SLCO1A2: variants seen among roughly 807,000 people sequenced by gnomAD.
SLCO1A2 encodes solute carrier organic anion transporter family member 1A2.
Under a neutral mutation model 69.0 loss-of-function variants are expected in SLCO1A2, and 67 were observed. The ratio of observed to expected loss-of-function variants is 0.97; its 90% CI spans 0.80 to 1.19. The LOEUF (loss-of-function observed/expected upper bound fraction) is 1.19, where lower values mean the gene tolerates loss of function less well. SLCO1A2 is among the 50% of genes most tolerant of loss of function. The probability of loss-of-function intolerance (pLI) is 0.00; values close to 1 mark genes in which losing one functional copy is unlikely to be tolerated. For missense variants in SLCO1A2, 787 were observed against 793.7 expected (o/e 0.99, Z 0.10); for synonymous variants, 260 against 265.9 (o/e 0.98, Z 0.22).
At chr12:21,331,826 TA>T (rs1352985321) in intron 2 of SLCO1A2, among the ~76,000 whole-genome samples, 1 of 152,034 alleles carries the variant, frequency 6.6e-6, no homozygotes, top group Non-Finnish European at 1.5e-5. Context: ...CAAGTAAAAC[TA>T]AAAAATAGGA....
chr12:21,281,429 G>A (rs56409406), intron 12 of SLCO1A2, among the ~76,000 whole-genome samples: 1,784 of 151,130 alleles, frequency 0.012, 34 homozygotes, highest in African/African-American at 0.041. Flanking sequence ...TAACTTGAGC[G>A]ACAGAGTGAG....
intron 1 of SLCO1A2, among the ~76,000 whole-genome samples, chr12:21,413,683 A>G (rs1941948046): frequency 6.6e-6 from 1 of 152,126 alleles, no homozygotes; most frequent in African/African-American, 2.4e-5. Flanking sequence ...AAATGAAAAC[A>G]TGGTCATCAG....
At chr12:21,330,181 G>T (rs1374492777) in intron 2 of SLCO1A2, among the ~76,000 whole-genome samples, 2 of 151,906 alleles carry the variant, frequency 1.3e-5, no homozygotes, top group Non-Finnish European at 2.9e-5. Flanking sequence ...CAAAAATTCT[G>T]TTTCTTAGTT....
intron 2 of SLCO1A2, among the ~76,000 whole-genome samples, chr12:21,341,504 G>A (rs1346816063): frequency 1.3e-5 from 2 of 151,914 alleles, no homozygotes; most frequent in Non-Finnish European, 2.9e-5. Context: ...ACTACTTCAG[G>A]TTTTGGTATG....
chr12:21,275,501 G>A, intron 12 of SLCO1A2, 77 bp from the exon 13 acceptor site: 2 of 1,277,660 alleles, frequency 1.6e-6, no homozygotes, highest in South Asian at 2.3e-5. Flanking sequence ...AAGGCCAGTT[G>A]TAAGCTAGTC....
upstream of SLCO1A2, among the ~76,000 whole-genome samples, chr12:21,339,846 G>T (rs1400646291): frequency 6.6e-6 from 1 of 151,926 alleles, no homozygotes; most frequent in Non-Finnish European, 1.5e-5. Flanking sequence ...TAGTTTGCAG[G>T]AGTTATTCTC....
At chr12:21,298,561 A>G (rs1053537729) in intron 8 of SLCO1A2, among the ~76,000 whole-genome samples, 84 of 152,216 alleles carry the variant, frequency 5.5e-4, no homozygotes, top group African/African-American at 1.8e-3. Flanking sequence ...GGACACACAG[A>G]TTAATGCAAG....
At chr12:21,394,681 T>C (rs1311948540) in intron 1 of SLCO1A2, among the ~76,000 whole-genome samples, 4 of 151,764 alleles carry the variant, frequency 2.6e-5, no homozygotes, top group African/African-American at 9.7e-5. Context: ...CTCCACAAAA[T>C]CTACTGTGCA....
chr12:21,386,626 A>G (rs751997649), intron 1 of SLCO1A2, among the ~76,000 whole-genome samples: 2 of 152,144 alleles, frequency 1.3e-5, no homozygotes, highest in African/African-American at 2.4e-5. Flanking sequence ...CCCCCCAGCC[A>G]TGTGGAACTG....
upstream of SLCO1A2, among the ~76,000 whole-genome samples, chr12:21,397,127 C>T (rs1355007304): frequency 1.1e-4 from 16 of 152,044 alleles, no homozygotes; most frequent in Non-Finnish European, 1.6e-4. Context: ...TCGGGAGACC[C>T]ATCTCACGTG....
At chr12:21,337,814 A>G (rs549100799), upstream of SLCO1A2, among the ~76,000 whole-genome samples, 3 of 152,050 alleles carry the variant, frequency 2.0e-5, no homozygotes, top group South Asian at 6.2e-4. Context: ...TCTTATAAAT[A>G]TAAGTATTAT....
At chr12:21,335,913 C>T (rs908660850), upstream of SLCO1A2, among the ~76,000 whole-genome samples, 4 of 152,100 alleles carry the variant, frequency 2.6e-5, no homozygotes, top group African/African-American at 4.8e-5. Flanking sequence ...TATAAACTAG[C>T]GAGAGAAGTA....
chr12:21,326,949 G>A (rs1952286391), intron 2 of SLCO1A2, among the ~76,000 whole-genome samples: 1 of 152,150 alleles, frequency 6.6e-6, no homozygotes, highest in Non-Finnish European at 1.5e-5. Context: ...TAAGTAATGA[G>A]AAGCCAAATG....
At chr12:21,338,062 A>G (rs980536650), upstream of SLCO1A2, among the ~76,000 whole-genome samples, 7 of 152,180 alleles carry the variant, frequency 4.6e-5, no homozygotes, top group African/African-American at 1.2e-4. Context: ...ACAGAAAAGT[A>G]AAGTTGAAAC....
At chr12:21,410,518 A>G (rs1486231715) in intron 1 of SLCO1A2, among the ~76,000 whole-genome samples, 1 of 152,184 alleles carries the variant, frequency 6.6e-6, no homozygotes, top group African/African-American at 2.4e-5. Flanking sequence ...CAATGTAGTC[A>G]TCTAATTTTC....
chr12:21,275,462 A>G, intron 12 of SLCO1A2, 38 bp from the exon 13 acceptor site: 1 of 1,401,944 alleles, frequency 7.1e-7, no homozygotes, highest in Non-Finnish European at 9.4e-7. Flanking sequence ...AAGAAAAATA[A>G]AGATTTAAAA....
chr12:21,315,523 G>A (rs1950761529), intron 3 of SLCO1A2, among the ~76,000 whole-genome samples: 1 of 152,124 alleles, frequency 6.6e-6, no homozygotes, highest in South Asian at 2.1e-4. Flanking sequence ...GAATGCCTCT[G>A]CAATGACTCA....
upstream of SLCO1A2, among the ~76,000 whole-genome samples, chr12:21,396,150 G>C (rs1219197056): frequency 1.3e-5 from 2 of 151,256 alleles, 1 homozygote; most frequent in Non-Finnish European, 3.0e-5. Flanking sequence ...TGTATAACTA[G>C]AATAACCAAT....
intron 1 of SLCO1A2, among the ~76,000 whole-genome samples, chr12:21,407,151 A>G (rs1941834895): frequency 6.6e-6 from 1 of 152,146 alleles, no homozygotes; most frequent in African/African-American, 2.4e-5. Flanking sequence ...TTGGGAGTGG[A>G]CTGGAAAGAT....
Sources: allele counts gnomAD v4.1 joint callset (sites outside exome capture counted in the v4.1 genomes callset), GRCh38; gene constraint gnomAD v4.1.1; transcripts MANE v1.5; gene names NCBI Gene and HGNC (gene_info 2026-07-23, HGNC 2026-07-21).